Variants in TG observed in about 807,000 individuals in gnomAD.
TG encodes the protein thyroid hormones.
In TG, 270 loss-of-function variants were observed where a neutral mutation model predicts 324.7. That is an observed-to-expected ratio of 0.83 (90% CI 0.75 to 0.92). The LOEUF (loss-of-function observed/expected upper bound fraction) is 0.92, where lower values mean the gene tolerates loss of function less well. Among genes scored for constraint, TG ranks in the 40% least tolerant of loss-of-function variants. TG has a pLI of 0.00. For missense variants in TG, 3,591 were observed against 3,456.4 expected (o/e 1.04, Z -0.98); for synonymous variants, 1,401 against 1,327.0 (o/e 1.06, Z -1.21).
At position 132,939,663 on chromosome 8, in the gene TG, GT is replaced by G. The variant is rs766831555; in HGVS notation, c.5042-1676del. On this transcript the variant is annotated intron_variant, in intron 25 of 47. Transcript: ENST00000220616. ...AGCCCTTTTATATATAGTCTATGGG[GT>G]TTTTTTTTTTTGTTTGTTTGTTTGT... is the stretch of plus-strand genomic sequence containing the variant. 2.8e-3 allele frequency among the ~76,000 whole-genome samples: 347 copies of G among 125,472 alleles called. 1 individual carries two copies. The highest frequency in any genetic ancestry group is 7.7e-3 in the African/African-American group (295 of 38,342). 82.3% of individuals were successfully genotyped at this position (125,472 alleles called of 152,430 possible).
intron 41 of TG, chr8:133,060,441 G>A: frequency 1.4e-6 from 2 of 1,388,408 alleles, no homozygotes; most frequent in South Asian, 1.4e-5. Flanking sequence ...TGCTGTTGGT[G>A]GCAAAAGTTT....
intron 18 of TG, among the ~76,000 whole-genome samples, chr8:132,910,798 G>A (rs1243949801): frequency 6.6e-6 from 1 of 152,226 alleles, no homozygotes; most frequent in Non-Finnish European, 1.5e-5. Context: ...GACACCCTTT[G>A]AAAGGGGCTG....
chr8:132,980,459 C>T (rs1830686406), intron 34 of TG, among the ~76,000 whole-genome samples: 2 of 152,082 alleles, frequency 1.3e-5, no homozygotes, highest in African/African-American at 4.8e-5. Context: ...GGAGGCTCCC[C>T]CCCGGCCCTC....
intron 10 of TG, among the ~76,000 whole-genome samples, chr8:132,893,017 G>T (rs558651803): frequency 1.3e-5 from 2 of 149,826 alleles, no homozygotes; most frequent in Admixed American, 6.7e-5. Context: ...TGGTGTGTGT[G>T]TGTGTGGTAT....
chr8:133,001,538 A>G (rs1057300526), intron 35 of TG, among the ~76,000 whole-genome samples: 2 of 152,384 alleles, frequency 1.3e-5, no homozygotes, highest in East Asian at 3.9e-4. Flanking sequence ...TCCTTCTGTT[A>G]TCAAAGGAAC....
chr8:132,998,363 G>A (rs17693464), intron 35 of TG, among the ~76,000 whole-genome samples: 35,035 of 152,100 alleles, frequency 0.23, 4,590 homozygotes, highest in Middle Eastern at 0.34. Flanking sequence ...GAAGAGAGGG[G>A]ACCAACTGAT....
At chr8:133,108,048 C>T (rs1849966541) in intron 43 of TG, among the ~76,000 whole-genome samples, 1 of 140,202 alleles carries the variant, frequency 7.1e-6, no homozygotes, top group African/African-American at 2.7e-5. Context: ...GTGGTGTGAT[C>T]GTGGCTCACT....
chr8:133,090,724 CATA>C (rs1847368455), intron 41 of TG, among the ~76,000 whole-genome samples: 1 of 152,174 alleles, frequency 6.6e-6, no homozygotes, highest in Non-Finnish European at 1.5e-5. Context: ...GAACGCTGAT[CATA>C]ATATCTCCAT....
chr8:132,887,017 G>A lies in TG; in HGVS notation c.1645G>A (p.Val549Met), dbSNP rs1387124631. The A allele has an allele frequency of 6.2e-7, 1 of 1,614,246 alleles. No individual in the cohort carries two copies. The highest frequency in any genetic ancestry group is 1.7e-5 in the Admixed American group (1 of 60,024). Residue 549 changes from valine (V) to methionine (M), a missense_variant, in exon 9 of 48, where the codon GTG (valine) becomes ATG (methionine). By Grantham distance (21) the Val-to-Met change is conservative. Transcript: ENST00000220616. Reference sequence around the variant, plus strand: ...GGATGGTACTATGAATAAGCCAACTGTGGGCAGCTTTGGCTTTGAAATTAA... The same window carrying A: ...GGATGGTACTATGAATAAGCCAACTATGGGCAGCTTTGGCTTTGAAATTAA... ...KKDGTMNKPT[V>M]GSFGFEINLQ...
Position 133,007,300 on chromosome 8 carries a change from G to GT in TG, c.6263-4594dup, listed in dbSNP as rs542782081. 2.3e-3 allele frequency among the ~76,000 whole-genome samples: 347 copies of GT among 152,200 alleles called. 4 individuals carry two copies. The highest frequency in any genetic ancestry group is 7.9e-3 in the African/African-American group (327 of 41,532). ...GAAAACACAAGAGTTGACTTTGTAA[G>GT]TTTTTTTAATGTGTTTTTAAATTTT... On this transcript the variant is annotated intron_variant, in intron 35 of 47. Transcript: ENST00000220616.
At chr8:133,010,460 G>A (rs1405973761) in intron 35 of TG, among the ~76,000 whole-genome samples, 1 of 152,178 alleles carries the variant, frequency 6.6e-6, no homozygotes, top group East Asian at 1.9e-4. Flanking sequence ...AAACAAGAAA[G>A]AAGAAAACAC....
intron 2 of TG, 86 bp from the exon 3 acceptor site, chr8:132,869,643 T>G (rs757521611): frequency 8.4e-7 from 1 of 1,184,002 alleles, no homozygotes; most frequent in African/African-American, 1.5e-5. Flanking sequence ...AGAATGGAAA[T>G]GAAGAAGAAA....
intron 24 of TG, among the ~76,000 whole-genome samples, chr8:132,934,667 AG>A (rs1201878527): frequency 6.6e-6 from 1 of 152,214 alleles, no homozygotes; most frequent in Non-Finnish European, 1.5e-5. Flanking sequence ...CTTTCTGCAA[AG>A]CAAGAAGAGC....
chr8:133,045,002 G>T, intron 41 of TG: 1 of 1,614,226 alleles, frequency 6.2e-7, no homozygotes, highest in Non-Finnish European at 8.5e-7. Context: ...TGGTTCACCA[G>T]GTCCTCCAGG....
chr8:133,033,033 G>A (rs776801132), intron 41 of TG, among the ~76,000 whole-genome samples: 6 of 152,214 alleles, frequency 3.9e-5, no homozygotes, highest in Non-Finnish European at 8.8e-5. Context: ...CTGTGATGCT[G>A]CCTTTCCAGG....
At chr8:133,058,628 G>A (rs1841891292) in intron 41 of TG, among the ~76,000 whole-genome samples, 1 of 152,208 alleles carries the variant, frequency 6.6e-6, no homozygotes, top group South Asian at 2.1e-4. Context: ...GACCAGAGGA[G>A]GAGGCTGTGG....
intron 8 of TG, among the ~76,000 whole-genome samples, chr8:132,884,232 G>T (rs1815069182): frequency 6.6e-6 from 1 of 152,160 alleles, no homozygotes; most frequent in African/African-American, 2.4e-5. Context: ...TGAATTTTGA[G>T]GGACACTATT....
intron 41 of TG, among the ~76,000 whole-genome samples, chr8:133,070,812 C>T (rs1340558720): frequency 6.6e-6 from 1 of 152,244 alleles, no homozygotes; most frequent in Non-Finnish European, 1.5e-5. Flanking sequence ...CCCGTGTCTG[C>T]AGGCACCCCC....
chr8:132,939,045 CAAAAA>C (rs36002632), intron 25 of TG, among the ~76,000 whole-genome samples: 1 of 67,774 alleles, frequency 1.5e-5, no homozygotes, highest in African/African-American at 5.9e-5. Context: ...GCAGGAGTCT[CAAAAA>C]AAAAAAAAAA....
Sources: gnomAD v4.1 joint callset for allele counts (sites outside exome capture counted in the v4.1 genomes callset) on GRCh38, gnomAD v4.1.1 for gene constraint, MANE v1.5 for transcripts, NCBI Gene and HGNC (gene_info 2026-07-23, HGNC 2026-07-21) for gene names.